Variants in NBEAL1 observed in about 807,000 individuals in gnomAD.
The protein encoded by NBEAL1 is neurobeachin-like protein 1.
In NBEAL1, 273 loss-of-function variants were observed where a neutral mutation model predicts 351.3. The ratio of observed to expected loss-of-function variants is 0.78; its 90% CI spans 0.70 to 0.86. The LOEUF (loss-of-function observed/expected upper bound fraction) is 0.86, where lower values mean the gene tolerates loss of function less well. NBEAL1 is among the 40% of genes least tolerant of loss of function. The pLI is 0.00. For missense variants in NBEAL1, 2,961 were observed against 3,201.3 expected (o/e 0.92, Z 1.81); for synonymous variants, 1,050 against 1,086.4 (o/e 0.97, Z 0.66).
chr2:203,213,630 G>A lies in NBEAL1; in HGVS notation c.8047G>A (p.Val2683Met), dbSNP rs1330040414. Residue 2683 changes from valine (V) to methionine (M), a missense_variant, in exon 55 of 56, where the codon GTG (valine) becomes ATG (methionine). Val to Met is a conservative substitution (Grantham distance 21, BLOSUM62 1). Transcript: ENST00000683969. ...VGLEDGKLIV[V>M]GVGKPAEMRS... Reference sequence around the variant, plus strand: ...TTTAGAAGATGGCAAATTGATTGTAGTGGGTGTTGGCAAGCCTGCTGAGGT... The same window carrying A: ...TTTAGAAGATGGCAAATTGATTGTAATGGGTGTTGGCAAGCCTGCTGAGGT... The A allele has an allele frequency of 6.2e-7, 1 of 1,613,996 alleles. No homozygotes were observed.
At chr2:203,106,305 C>G (rs1176399527) in intron 12 of NBEAL1, among the ~76,000 whole-genome samples, 1 of 152,188 alleles carries the variant, frequency 6.6e-6, no homozygotes, top group Non-Finnish European at 1.5e-5. Context: ...TAATTACTCC[C>G]TGTTTTCTGA....
At chr2:203,100,395 A>G (rs1334804405) in intron 12 of NBEAL1, among the ~76,000 whole-genome samples, 1 of 152,082 alleles carries the variant, frequency 6.6e-6, no homozygotes, top group African/African-American at 2.4e-5. Flanking sequence ...TTTCTTCACA[A>G]CCTTGCCAAC....
At chr2:203,129,077 A>G (rs151301041) in intron 24 of NBEAL1, among the ~76,000 whole-genome samples, 6 of 152,310 alleles carry the variant, frequency 3.9e-5, no homozygotes, top group Admixed American at 2.0e-4. Flanking sequence ...ATGCAGATAT[A>G]CTACTGATTC....
chr2:203,113,890 C>G (rs1198940487), intron 17 of NBEAL1, among the ~76,000 whole-genome samples: 1 of 150,380 alleles, frequency 6.6e-6, no homozygotes, highest in Admixed American at 6.7e-5. Context: ...GGCGCGATCC[C>G]GGCTCACTGC....
chr2:203,085,702 G>A (rs573442359), intron 10 of NBEAL1: 9 of 151,864 alleles, frequency 5.9e-5, no homozygotes, highest in Non-Finnish European at 1.5e-5. Context: ...GCCCTTTCAG[G>A]GTCAAATAAC....
At chr2:203,130,566 T>A in intron 25 of NBEAL1, 90 bp downstream of exon 25, 3 of 799,740 alleles carry the variant, frequency 3.8e-6, no homozygotes, top group Non-Finnish European at 5.2e-6. Context: ...GACTATAAAT[T>A]ATTTTTATAT....
chr2:203,217,676 C>T lies in NBEAL1; in HGVS notation c.*322C>T. ...TTAAGATTTTTCTAATAAAAGAGTACAGATAATGGGACAGTTGAGAGAGAT... is the reference window on the plus strand; with the variant it reads ...TTAAGATTTTTCTAATAAAAGAGTATAGATAATGGGACAGTTGAGAGAGAT... On this transcript the variant is annotated 3_prime_UTR_variant, in exon 56 of 56. Transcript: ENST00000683969. 1 of 961,732 alleles carries T rather than the reference C, an allele frequency of 1.0e-6. No homozygotes were observed. Among genetic ancestry groups the T allele is most frequent in the South Asian group, 4.7e-5 (1 of 21,080 alleles). 59.6% of individuals were successfully genotyped at this position (961,732 alleles called of 1,614,324 possible).
chr2:203,066,532 C>T (rs1485820628), intron 6 of NBEAL1, among the ~76,000 whole-genome samples: 2 of 152,124 alleles, frequency 1.3e-5, no homozygotes, highest in Admixed American at 1.3e-4. Context: ...ACATTTCCCC[C>T]TTTTCTTTTC....
chr2:203,184,074 T>TAAAAAAAAAAAAAAA (rs1170251389), intron 44 of NBEAL1, among the ~76,000 whole-genome samples: 13 of 87,980 alleles, frequency 1.5e-4, no homozygotes, highest in African/African-American at 2.3e-4. Context: ...CGAGACTGTC[T>TAAAAAAAAAAAAAAA]AAAAAAAAAA....
Position 203,183,319 on chromosome 2 carries a change from A to G in NBEAL1, c.6636A>G (p.Val2212=). 1 of 1,601,414 alleles carries G rather than the reference A, an allele frequency of 6.2e-7. No individual in the cohort carries two copies. Among genetic ancestry groups the G allele is most frequent in the South Asian group, 1.1e-5 (1 of 88,050 alleles). The change falls in exon 44 of 56, where the codon GTA becomes GTG. Residue 2212 remains valine (V), a synonymous_variant. Transcript: ENST00000683969. ...LGRLQISKEL[V]NDVILPKWAK... is the part of the protein sequence containing the mutation. ...GTCTACAGATTTCCAAAGAATTAGT[A>G]AATGATGTCATTCTCCCGAAATGGG... is the stretch of plus-strand genomic sequence containing the variant.
intron 4 of NBEAL1, among the ~76,000 whole-genome samples, chr2:203,054,284 G>A (rs2061371310): frequency 6.6e-6 from 1 of 151,968 alleles, no homozygotes; most frequent in South Asian, 2.1e-4. Flanking sequence ...AAATTAGCTG[G>A]GAATGGTGCC....
intron 25 of NBEAL1, 97 bp downstream of exon 25, chr2:203,130,573 A>G (rs1337521456): frequency 5.1e-6 from 4 of 791,788 alleles, no homozygotes; most frequent in Middle Eastern, 4.1e-4. Flanking sequence ...AATTATTTTT[A>G]TATCTATTTC....
chr2:203,115,382 T>C (rs11904028), intron 17 of NBEAL1, among the ~76,000 whole-genome samples: 137,797 of 152,124 alleles, frequency 0.91, 63,006 homozygotes, highest in Non-Finnish European at 0.96. Flanking sequence ...CCTCAGCCTC[T>C]CTAAGTGCTG....
At chr2:203,146,425 A>G (rs1179071823) in intron 33 of NBEAL1, among the ~76,000 whole-genome samples, 1 of 152,122 alleles carries the variant, frequency 6.6e-6, no homozygotes, top group Non-Finnish European at 1.5e-5. Context: ...TCATAGAAAA[A>G]TAGTACAAGA....
chr2:203,021,051 G>A (rs1385955149), intron 2 of NBEAL1, among the ~76,000 whole-genome samples: 8 of 151,966 alleles, frequency 5.3e-5, no homozygotes, highest in African/African-American at 1.5e-4. Context: ...TCAGCCTCCC[G>A]AGTAGCTGGT....
At chr2:203,019,273 AT>A (rs1336091536) in intron 2 of NBEAL1, among the ~76,000 whole-genome samples, 1 of 152,152 alleles carries the variant, frequency 6.6e-6, no homozygotes, top group Non-Finnish European at 1.5e-5. Context: ...TATATGTGTT[AT>A]TTTATTAGGA....
At chr2:203,178,246 C>T (rs2106432561) in intron 42 of NBEAL1, among the ~76,000 whole-genome samples, 1 of 151,288 alleles carries the variant, frequency 6.6e-6, no homozygotes, top group South Asian at 2.1e-4. Context: ...CTCACTGCAA[C>T]CTCCATCTCC....
In NBEAL1 at chr2:203,224,120, A is replaced by G. The variant is rs1024931226; in HGVS notation, c.*6766A>G. 2.0e-5 allele frequency among the ~76,000 whole-genome samples: 3 copies of G among 152,036 alleles called. No homozygotes were observed. The highest frequency in any genetic ancestry group is 4.4e-5 in the Non-Finnish European group (3 of 67,896). ...TAATTTCTATTTTTCTTCCAAAACT[A>G]TGGCATGTTATAGTAGATCTTACTA... On this transcript the variant is annotated 3_prime_UTR_variant, in exon 56 of 56. Coordinates refer to ENST00000683969, the MANE Select transcript of NBEAL1 (RefSeq NM_001378026.1).
At chr2:203,203,267 A>G (rs1274249440) in intron 51 of NBEAL1, among the ~76,000 whole-genome samples, 1 of 150,330 alleles carries the variant, frequency 6.7e-6, no homozygotes, top group Non-Finnish European at 1.5e-5. Flanking sequence ...TCAGCCTCCC[A>G]TGTAACTGGG....
Sources: gnomAD v4.1 joint callset for allele counts (sites outside exome capture counted in the v4.1 genomes callset) on GRCh38, gnomAD v4.1.1 for gene constraint, MANE v1.5 for transcripts, NCBI Gene and HGNC (gene_info 2026-07-23, HGNC 2026-07-21) for gene names.